CACNA2D3: variants seen among roughly 807,000 people sequenced by gnomAD.
CACNA2D3 encodes the protein calcium voltage-gated channel auxiliary subunit alpha2delta 3, also known as voltage-dependent calcium channel subunit alpha-2/delta-3.
In CACNA2D3, 60 loss-of-function variants were observed where a neutral mutation model predicts 160.6. That is an observed-to-expected ratio of 0.37 (90% CI 0.30 to 0.46). CACNA2D3 has a LOEUF of 0.46. CACNA2D3 is among the 20% of genes least tolerant of loss of function. CACNA2D3 has a pLI of 1.00. For missense variants in CACNA2D3, 1,205 were observed against 1,365.0 expected, an observed-to-expected ratio of 0.88 and a Z score of 1.85; for synonymous variants, 558 against 492.9, an observed-to-expected ratio of 1.13 and a Z score of -1.75.
At chr3:55,025,183 A>G (rs1703540247) in intron 35 of CACNA2D3, among the ~76,000 whole-genome samples, 1 of 152,220 alleles carries the variant, frequency 6.6e-6, no homozygotes, top group Admixed American at 6.5e-5. Context: ...ATTAGAAAAT[A>G]AAGAAAGAAA....
chr3:54,585,281 C>T (rs1042552460), intron 9 of CACNA2D3, among the ~76,000 whole-genome samples: 9 of 152,048 alleles, frequency 5.9e-5, no homozygotes, highest in African/African-American at 1.9e-4. Context: ...TTCTATACTT[C>T]AGTGGAAATG....
intron 11 of CACNA2D3, among the ~76,000 whole-genome samples, chr3:54,710,012 A>G (rs1700926919): frequency 6.6e-6 from 1 of 152,108 alleles, no homozygotes; most frequent in East Asian, 1.9e-4. Flanking sequence ...GTTTTCACAC[A>G]CGCACACAGG....
Position 54,941,427 on chromosome 3 carries a change from A to G in CACNA2D3, c.2450-27023A>G, listed in dbSNP as rs1701462765. Among the ~76,000 whole-genome samples, 3 of 152,316 alleles carry G rather than the reference A, an allele frequency of 2.0e-5. 1 individual carries two copies. Among genetic ancestry groups the G allele is most frequent in the South Asian group, 4.1e-4 (2 of 4,826 alleles). ...TGGATCCTGACGGACGCTATTTTCAAACTACTTATTGGCCCAGGGATGGGG... is the reference window on the plus strand; with the variant it reads ...TGGATCCTGACGGACGCTATTTTCAGACTACTTATTGGCCCAGGGATGGGG... On this transcript the variant is annotated intron_variant, in intron 27 of 37. Coordinates refer to ENST00000474759, the MANE Select transcript of CACNA2D3 (RefSeq NM_018398.3).
chr3:55,038,864 C>CTATATATATATATATATATATA (rs10576329), intron 35 of CACNA2D3, among the ~76,000 whole-genome samples: 5 of 99,088 alleles, frequency 5.0e-5, no homozygotes, highest in African/African-American at 1.0e-4. Context: ...AGCCAGGATG[C>CTATATATATATATATATATATA]TATATATATA....
rs563287019 is a variant in CACNA2D3 at position 54,313,754 on chromosome 3, C to G, written c.205-6688C>G. Among the ~76,000 whole-genome samples, 14 of 150,460 alleles carry G rather than the reference C, an allele frequency of 9.3e-5. No homozygotes were observed. The East Asian group carries it at 2.8e-3, about 30-fold the overall frequency. The stretch of plus-strand genomic sequence containing the variant: ...CCTGTTGCCCCTCCCACCCCACCCC[C>G]AGCCTTGTCGTCCTCAAAGGGTTCT... On this transcript the variant is annotated intron_variant, in intron 2 of 37. Coordinates refer to ENST00000474759, the MANE Select transcript of CACNA2D3 (RefSeq NM_018398.3).
intron 11 of CACNA2D3, among the ~76,000 whole-genome samples, chr3:54,720,508 G>T (rs923340148): frequency 2.0e-5 from 3 of 151,924 alleles, no homozygotes; most frequent in Non-Finnish European, 2.9e-5. Flanking sequence ...TTGCTTTACA[G>T]ATGATCATAC....
chr3:54,266,320 G>GTT (rs746055476), intron 2 of CACNA2D3, among the ~76,000 whole-genome samples: 2 of 152,150 alleles, frequency 1.3e-5, no homozygotes, highest in Non-Finnish European at 2.9e-5. Flanking sequence ...TATTTTTCTA[G>GTT]TTATTATCTC....
chr3:55,017,973 T>C (rs548264083), intron 34 of CACNA2D3, among the ~76,000 whole-genome samples: 1 of 152,320 alleles, frequency 6.6e-6, no homozygotes, highest in South Asian at 2.1e-4. Flanking sequence ...ATTCTTGTGA[T>C]GCATAAATGA....
chr3:54,689,715 G>A (rs940734370), intron 11 of CACNA2D3, among the ~76,000 whole-genome samples: 2 of 151,826 alleles, frequency 1.3e-5, no homozygotes, highest in Non-Finnish European at 2.9e-5. Context: ...CAGATATGCC[G>A]ACTCTGACAC....
At chr3:54,180,278 C>T (rs1404030704) in intron 2 of CACNA2D3, among the ~76,000 whole-genome samples, 1 of 152,034 alleles carries the variant, frequency 6.6e-6, no homozygotes, top group Non-Finnish European at 1.5e-5. Context: ...CAGGTGGGAA[C>T]CATGCTCAGG....
intron 9 of CACNA2D3, among the ~76,000 whole-genome samples, chr3:54,604,981 A>G (rs1324613956): frequency 6.6e-6 from 1 of 152,160 alleles, no homozygotes; most frequent in Non-Finnish European, 1.5e-5. Flanking sequence ...CAGTCTGAAA[A>G]TCAAATTGTC....
At chr3:54,362,287 C>A (rs990587204) in intron 3 of CACNA2D3, among the ~76,000 whole-genome samples, 7 of 152,130 alleles carry the variant, frequency 4.6e-5, no homozygotes, top group African/African-American at 1.7e-4. Context: ...TGGCAGGATT[C>A]ATTCTGTTGA....
At chr3:54,922,401 A>T (rs966369165) in intron 27 of CACNA2D3, among the ~76,000 whole-genome samples, 10 of 151,770 alleles carry the variant, frequency 6.6e-5, no homozygotes, top group Admixed American at 2.6e-4. Context: ...CTTACAATTT[A>T]ATCCACAATA....
intron 35 of CACNA2D3, among the ~76,000 whole-genome samples, chr3:55,073,055 G>A (rs1043081143): frequency 6.6e-6 from 1 of 152,116 alleles, no homozygotes; most frequent in Non-Finnish European, 1.5e-5. Context: ...GAGAGAAAAC[G>A]CCACTTAGAG....
Position 54,606,203 on chromosome 3 carries a change from T to C in CACNA2D3, c.964-21584T>C, listed in dbSNP as rs114189556. On this transcript the variant is annotated intron_variant, in intron 9 of 37. Transcript: ENST00000474759. ...ATAATAACAACCAATGCATTCCTCC[T>C]ATTGGCTTCTTGTTTTATACTTTTC... Among the ~76,000 whole-genome samples the C allele has an allele frequency of 5.2e-3, 790 of 152,270 alleles. 2 individuals are homozygous for C. Among genetic ancestry groups the C allele is most frequent in the Non-Finnish European group, 9.1e-3 (619 of 68,022 alleles).
At chr3:55,036,668 A>G (rs1247872634) in intron 35 of CACNA2D3, among the ~76,000 whole-genome samples, 1 of 151,502 alleles carries the variant, frequency 6.6e-6, no homozygotes, top group Non-Finnish European at 1.5e-5. Flanking sequence ...GGGTTTCACC[A>G]TATTGGCCAG....
chr3:54,752,258 G>C (rs979569243), intron 11 of CACNA2D3, among the ~76,000 whole-genome samples: 1 of 152,178 alleles, frequency 6.6e-6, no homozygotes, highest in East Asian at 1.9e-4. Flanking sequence ...TGGGGAAAAT[G>C]CTTGGGGATT....
chr3:54,928,121 G>C, intron 27 of CACNA2D3: 1 of 559,092 alleles, frequency 1.8e-6, no homozygotes, highest in East Asian at 2.9e-5. Context: ...CATCTGGCTG[G>C]GATCAGTTTC....
At position 54,832,011 on chromosome 3, in the gene CACNA2D3, T is replaced by TCACACACACACACA. The variant is rs60020847; in HGVS notation, c.1399-5116_1399-5103dup. 3.9e-4 allele frequency among the ~76,000 whole-genome samples: 46 copies of TCACACACACACACA among 118,868 alleles called. 1 individual carries two copies. Among genetic ancestry groups the TCACACACACACACA allele is most frequent in the East Asian group, 5.0e-4 (2 of 3,968 alleles). The allele number at this position is 118,868 out of a possible 152,430, so 78.0% of individuals were successfully genotyped here. ...TCCCTCTTTATCTCTCTCTTCTCTGTCACACACACACACACACACACACAC... is the reference window on the plus strand; with the variant it reads ...TCCCTCTTTATCTCTCTCTTCTCTGTCACACACACACACACACACACACACACACACACACACAC... On this transcript the variant is annotated intron_variant, in intron 14 of 37. Coordinates refer to ENST00000474759, the MANE Select transcript of CACNA2D3 (RefSeq NM_018398.3).
Sources: allele counts gnomAD v4.1 joint callset (sites outside exome capture counted in the v4.1 genomes callset), GRCh38; gene constraint gnomAD v4.1.1; transcripts MANE v1.5; gene names NCBI Gene and HGNC (gene_info 2026-07-23, HGNC 2026-07-21).